EPHA3: variants seen among roughly 807,000 people sequenced by gnomAD.
The protein encoded by EPHA3 is EPH receptor A3, also known as ephrin type-A receptor 3.
EPHA3 carries 42 observed loss-of-function variants against 107.1 expected under a neutral mutation model. That is an observed-to-expected ratio of 0.39 (90% CI 0.31 to 0.51). The LOEUF (loss-of-function observed/expected upper bound fraction) is 0.51. Among genes scored for constraint, EPHA3 ranks in the 20% least tolerant of loss-of-function variants. The pLI is 0.78. For synonymous variants in EPHA3, 461 were observed against 424.8 expected, an observed-to-expected ratio of 1.09 and a Z score of -1.05; for missense variants, 1,183 against 1,211.2, an observed-to-expected ratio of 0.98 and a Z score of 0.35.
At chr3:89,383,199 G>T (rs1448097836) in intron 5 of EPHA3, among the ~76,000 whole-genome samples, 1 of 152,080 alleles carries the variant, frequency 6.6e-6, no homozygotes, top group Non-Finnish European at 1.5e-5. Context: ...GCTAATAAAA[G>T]ATTAAGACCA....
chr3:89,136,384 G>GA (rs147836941), intron 2 of EPHA3, among the ~76,000 whole-genome samples: 26,014 of 88,516 alleles, frequency 0.29, 3,408 homozygotes, highest in Middle Eastern at 0.51. Context: ...AATGCACTCT[G>GA]AAAAAAAAAA....
At chr3:89,130,589 C>A (rs1295064178) in intron 2 of EPHA3, among the ~76,000 whole-genome samples, 1 of 150,922 alleles carries the variant, frequency 6.6e-6, no homozygotes, top group Non-Finnish European at 1.5e-5. Flanking sequence ...CTTTACAATT[C>A]ACCTAGGTAA....
chr3:89,326,767 G>C (rs1329880481), intron 3 of EPHA3, among the ~76,000 whole-genome samples: 2 of 151,786 alleles, frequency 1.3e-5, no homozygotes, highest in African/African-American at 2.4e-5. Flanking sequence ...TAAATACAGA[G>C]GCCAACTGCA....
intron 5 of EPHA3, among the ~76,000 whole-genome samples, chr3:89,351,265 C>T (rs200305162): frequency 0.12 from 18,460 of 150,846 alleles, 1,728 homozygotes; most frequent in South Asian, 0.2. Flanking sequence ...TAGCAATCAG[C>T]GAGATTCCGT....
chr3:89,229,380 T>G (rs1333579690), intron 3 of EPHA3, among the ~76,000 whole-genome samples: 4 of 151,844 alleles, frequency 2.6e-5, no homozygotes, highest in Admixed American at 2.6e-4. Flanking sequence ...TAAATAAGAT[T>G]TTCTGGTGCT....
intron 11 of EPHA3, among the ~76,000 whole-genome samples, chr3:89,427,948 A>G (rs189057828): frequency 1.3e-5 from 2 of 151,948 alleles, no homozygotes; most frequent in East Asian, 3.9e-4. Context: ...AATCTTCTTA[A>G]TTGTTACCAT....
intron 2 of EPHA3, among the ~76,000 whole-genome samples, chr3:89,183,473 A>G (rs1393722616): frequency 6.6e-6 from 1 of 151,898 alleles, no homozygotes; most frequent in Admixed American, 6.6e-5. Flanking sequence ...TATCCTGATT[A>G]GAAGGTATGG....
intron 2 of EPHA3, among the ~76,000 whole-genome samples, chr3:89,162,006 TAATA>T: frequency 1.3e-5 from 2 of 150,216 alleles, no homozygotes; most frequent in African/African-American, 2.4e-5. Flanking sequence ...ATAGTAATAA[TAATA>T]AATAATAATA....
At chr3:89,283,750 A>G (rs1407669689) in intron 3 of EPHA3, among the ~76,000 whole-genome samples, 1 of 152,154 alleles carries the variant, frequency 6.6e-6, no homozygotes, top group African/African-American at 2.4e-5. Flanking sequence ...TTGATGTTCT[A>G]TAAACATGGA....
chr3:89,433,727 T>C (rs1465574334), intron 13 of EPHA3, among the ~76,000 whole-genome samples: 8 of 152,220 alleles, frequency 5.3e-5, no homozygotes, highest in Non-Finnish European at 1.2e-4. Context: ...GACAAATTTC[T>C]TATCTTGTAG....
At chr3:89,135,030 A>G (rs908530226) in intron 2 of EPHA3, among the ~76,000 whole-genome samples, 4 of 152,240 alleles carry the variant, frequency 2.6e-5, no homozygotes, top group Non-Finnish European at 4.4e-5. Flanking sequence ...CAATGCAAAC[A>G]CTGCAATTAC....
At chr3:89,340,840 A>T (rs974371292) in intron 3 of EPHA3, 76 bp from the exon 4 acceptor site, 1 of 1,355,992 alleles carries the variant, frequency 7.4e-7, no homozygotes, top group Non-Finnish European at 9.7e-7. Flanking sequence ...TTCATATTCG[A>T]ACTTACTTAA....
intron 2 of EPHA3, among the ~76,000 whole-genome samples, chr3:89,164,819 G>A (rs1705029054): frequency 6.6e-6 from 1 of 152,162 alleles, no homozygotes; most frequent in Non-Finnish European, 1.5e-5. Context: ...AATAGTCACA[G>A]TATATCTCAG....
chr3:89,261,448 G>A (rs778900528), intron 3 of EPHA3, among the ~76,000 whole-genome samples: 2 of 151,916 alleles, frequency 1.3e-5, no homozygotes, highest in Non-Finnish European at 2.9e-5. Flanking sequence ...TTCTCCATGC[G>A]GACCTTGCTT....
rs559581717 is a variant in EPHA3 at position 89,307,003 on chromosome 3, A to G, written c.815-33913A>G. On this transcript the variant is annotated intron_variant, in intron 3 of 16. Coordinates refer to ENST00000336596, the MANE Select transcript of EPHA3 (RefSeq NM_005233.6). ...CAAAAATCAGACATAAAATTATCAA[A>G]TTTAAAAGAACACTAATTTGACATT... 1.1e-4 allele frequency among the ~76,000 whole-genome samples: 16 copies of G among 152,322 alleles called. No individual in the cohort carries two copies. In the South Asian group the frequency reaches 3.1e-3, roughly 30 times the overall value.
At chr3:89,220,489 C>G (rs776086396) in intron 3 of EPHA3, among the ~76,000 whole-genome samples, 19 of 152,124 alleles carry the variant, frequency 1.2e-4, no homozygotes, top group Admixed American at 1.1e-3. Flanking sequence ...AAAAAGTTAC[C>G]TGCAAAGAGC....
intron 11 of EPHA3, among the ~76,000 whole-genome samples, chr3:89,420,831 A>C (rs1234033395): frequency 6.6e-6 from 1 of 151,436 alleles, no homozygotes; most frequent in African/African-American, 2.4e-5. Flanking sequence ...TTATGAAGCC[A>C]TTCTTCTAAC....
At chr3:89,382,281 G>A (rs1708525536) in intron 5 of EPHA3, among the ~76,000 whole-genome samples, 1 of 152,074 alleles carries the variant, frequency 6.6e-6, no homozygotes, top group Non-Finnish European at 1.5e-5. Flanking sequence ...GCAAAGCTGG[G>A]TGGATTACCT....
At chr3:89,255,280 TG>T in intron 3 of EPHA3, among the ~76,000 whole-genome samples, 1 of 152,188 alleles carries the variant, frequency 6.6e-6, no homozygotes, top group African/African-American at 2.4e-5. Flanking sequence ...TTTTAACATT[TG>T]GGATTCTGAT....
Sources: gnomAD v4.1 joint callset for allele counts (sites outside exome capture counted in the v4.1 genomes callset) on GRCh38, gnomAD v4.1.1 for gene constraint, MANE v1.5 for transcripts, NCBI Gene and HGNC (gene_info 2026-07-23, HGNC 2026-07-21) for gene names.